The following TLL1 variants were observed in gnomAD, a reference collection of about 807,000 sequenced individuals.
The protein encoded by TLL1 is tolloid like 1.
A neutral mutation model predicts 128.2 loss-of-function variants in TLL1; 49 were observed. The ratio of observed to expected loss-of-function variants is 0.38; its 90% CI spans 0.30 to 0.48. The LOEUF (loss-of-function observed/expected upper bound fraction) is 0.48. Ranked by LOEUF, TLL1 falls within the 20% of genes least tolerant of loss-of-function variation. TLL1 has a pLI of 0.96. For synonymous variants in TLL1, 454 were observed against 418.8 expected, an observed-to-expected ratio of 1.08 and a Z score of -1.03; for missense variants, 1,123 against 1,242.0, an observed-to-expected ratio of 0.90 and a Z score of 1.44.
At chr4:166,008,621 G>A (rs939254364) in intron 7 of TLL1, among the ~76,000 whole-genome samples, 3 of 151,448 alleles carry the variant, frequency 2.0e-5, no homozygotes, top group African/African-American at 7.3e-5. Context: ...CTAAAATTAT[G>A]TCATTAATGA....
rs1469388153 is a variant in TLL1 at position 166,061,660 on chromosome 4, T to C, written c.2007+1472T>C. Among the ~76,000 whole-genome samples the C allele has an allele frequency of 2.6e-5, 4 of 152,252 alleles. No individual in the cohort carries two copies. In the East Asian group the frequency reaches 7.7e-4, roughly 29 times the overall value. ...AGAGGTAGCTGACTTCTGTGTTCTC[T>C]TAAAGAAAATTAAAGTTTGAAATAT... On this transcript the variant is annotated intron_variant, in intron 15 of 20. Transcript: ENST00000061240.
chr4:165,911,715 G>A (rs530324600), intron 1 of TLL1, among the ~76,000 whole-genome samples: 14 of 151,934 alleles, frequency 9.2e-5, no homozygotes, highest in East Asian at 1.9e-4. Flanking sequence ...CCTGTGTCTC[G>A]TATTGATATA....
intron 1 of TLL1, among the ~76,000 whole-genome samples, chr4:165,973,185 C>A (rs565150999): frequency 1.3e-5 from 2 of 152,204 alleles, no homozygotes; most frequent in African/African-American, 4.8e-5. Flanking sequence ...AGGCCATCTG[C>A]AAGCTAGGGA....
At chr4:166,029,856 G>T (rs1414844161) in intron 9 of TLL1, among the ~76,000 whole-genome samples, 1 of 151,954 alleles carries the variant, frequency 6.6e-6, no homozygotes, top group Non-Finnish European at 1.5e-5. Flanking sequence ...ATATTCCATT[G>T]TATGAATACA....
chr4:165,905,477 GC>G (rs1314611655), intron 1 of TLL1, among the ~76,000 whole-genome samples: 1 of 151,988 alleles, frequency 6.6e-6, no homozygotes. Flanking sequence ...CTTTCCTTTA[GC>G]CCTGTATTAT....
intron 9 of TLL1, among the ~76,000 whole-genome samples, chr4:166,031,848 T>A (rs192074116): frequency 1.6e-4 from 24 of 152,254 alleles, no homozygotes; most frequent in African/African-American, 4.6e-4. Context: ...AGGAATTTTT[T>A]AAAAATACAA....
chr4:166,069,134 C>T (rs1304901147), intron 16 of TLL1, among the ~76,000 whole-genome samples: 1 of 151,720 alleles, frequency 6.6e-6, no homozygotes, highest in African/African-American at 2.4e-5. Context: ...CTTATAGACA[C>T]CTATTTCTTC....
chr4:165,992,460 A>G (rs1253998045), intron 2 of TLL1, among the ~76,000 whole-genome samples: 1 of 152,050 alleles, frequency 6.6e-6, no homozygotes, highest in Non-Finnish European at 1.5e-5. Flanking sequence ...CATGCAATCA[A>G]CAGGGCAGAA....
chr4:165,961,608 G>T (rs1735108662), intron 1 of TLL1, among the ~76,000 whole-genome samples: 1 of 152,146 alleles, frequency 6.6e-6, no homozygotes. Flanking sequence ...CATGGTACTG[G>T]TACAAAAACA....
At chr4:165,993,833 A>G (rs1736746365) in intron 3 of TLL1, among the ~76,000 whole-genome samples, 1 of 152,114 alleles carries the variant, frequency 6.6e-6, no homozygotes, top group African/African-American at 2.4e-5. Context: ...TACTGAGGAA[A>G]CTGGAATGGA....
In TLL1 at chr4:166,077,117, T is replaced by C. The variant is rs1741069189; in HGVS notation, c.2315-786T>C. 3.3e-5 allele frequency among the ~76,000 whole-genome samples: 5 copies of C among 152,256 alleles called. No individual in the cohort carries two copies. The South Asian group carries it at 8.3e-4, about 25-fold the overall frequency. ...CCAGTCTAAACAAGGTTGTATGTTA[T>C]AGAGCTTCCTAAATTATATAGAAAG... is the stretch of plus-strand genomic sequence containing the variant. On this transcript the variant is annotated intron_variant, in intron 17 of 20. Transcript: ENST00000061240.
chr4:165,937,408 A>G (rs547410241), intron 1 of TLL1, among the ~76,000 whole-genome samples: 1 of 152,302 alleles, frequency 6.6e-6, no homozygotes, highest in South Asian at 2.1e-4. Context: ...ACATTCTCAG[A>G]ATAACTATGC....
At chr4:166,092,378 T>G (rs1365703171) in intron 19 of TLL1, among the ~76,000 whole-genome samples, 1 of 152,106 alleles carries the variant, frequency 6.6e-6, no homozygotes, top group African/African-American at 2.4e-5. Context: ...ATCTGATTAA[T>G]AATAGTAATC....
intron 1 of TLL1, among the ~76,000 whole-genome samples, chr4:165,900,274 A>C (rs1731914450): frequency 6.6e-6 from 1 of 152,126 alleles, no homozygotes; most frequent in Non-Finnish European, 1.5e-5. Flanking sequence ...TGATCCTGTC[A>C]TCATGATGAT....
intron 1 of TLL1, among the ~76,000 whole-genome samples, chr4:165,969,386 G>A (rs1735532624): frequency 6.6e-6 from 1 of 152,076 alleles, no homozygotes; most frequent in African/African-American, 2.4e-5. Context: ...TTTAGAAAGA[G>A]TTTACAACTC....
chr4:165,910,782 T>C (rs1272955376), intron 1 of TLL1, among the ~76,000 whole-genome samples: 2 of 152,206 alleles, frequency 1.3e-5, no homozygotes, highest in Non-Finnish European at 2.9e-5. Context: ...TTATAGCCCA[T>C]TATCCAATTT....
chr4:166,044,973 G>A (rs1739398758), intron 12 of TLL1, among the ~76,000 whole-genome samples: 1 of 152,118 alleles, frequency 6.6e-6, no homozygotes, highest in African/African-American at 2.4e-5. Context: ...AGCAGTGACA[G>A]TCTTCAAAAA....
At chr4:165,987,374 G>T (rs78671064) in intron 1 of TLL1, among the ~76,000 whole-genome samples, 17 of 152,020 alleles carry the variant, frequency 1.1e-4, no homozygotes, top group African/African-American at 3.9e-4. Flanking sequence ...AGTTTCTTGC[G>T]GGGGTCTGGC....
chr4:166,065,976 T>C, intron 16 of TLL1, 113 bp downstream of exon 16: 2 of 430,694 alleles, frequency 4.6e-6, no homozygotes, highest in South Asian at 2.6e-5. Flanking sequence ...TGAAGATAAG[T>C]AGGCCTTACA....
Sources: gnomAD v4.1 joint callset for allele counts (sites outside exome capture counted in the v4.1 genomes callset) on GRCh38, gnomAD v4.1.1 for gene constraint, MANE v1.5 for transcripts, NCBI Gene and HGNC (gene_info 2026-07-23, HGNC 2026-07-21) for gene names.